IL1RAPL2: variants seen among roughly 807,000 people sequenced by gnomAD.
IL1RAPL2 encodes the protein interleukin 1 receptor accessory protein like 2.
IL1RAPL2 carries 3 observed loss-of-function variants against 44.1 expected under a neutral mutation model. The observed-to-expected ratio is 0.07, with a 90% CI of 0.03 to 0.18. The LOEUF is 0.18. Ranked by LOEUF, IL1RAPL2 falls within the 10% of genes least tolerant of loss-of-function variation. The pLI is 1.00. For synonymous variants in IL1RAPL2, 181 were observed against 178.8 expected, an observed-to-expected ratio of 1.01 and a Z score of -0.10; for missense variants, 391 against 496.4, an observed-to-expected ratio of 0.79 and a Z score of 2.02.
chrX:104,654,398 A>T (rs1930212037), intron 1 of IL1RAPL2, among the ~76,000 whole-genome samples: 1 of 110,941 alleles, frequency 9.0e-6, no homozygotes, highest in Non-Finnish European at 1.9e-5. Flanking sequence ...AACTGAGTGA[A>T]CAGTGGAGAG....
intron 2 of IL1RAPL2, among the ~76,000 whole-genome samples, chrX:104,965,820 AAAG>A (rs1432263386): frequency 1.8e-5 from 2 of 111,891 alleles, no homozygotes; most frequent in Admixed American, 9.5e-5. Flanking sequence ...GATTAGGCAT[AAAG>A]AAAGAATGAG....
chrX:104,619,564 C>T (rs1289549094), intron 1 of IL1RAPL2, among the ~76,000 whole-genome samples: 1 of 111,966 alleles, frequency 8.9e-6, no homozygotes, highest in Admixed American at 9.5e-5. Flanking sequence ...TTCCCATTTT[C>T]CTCCTTGAAT....
chrX:104,849,433 A>G (rs1172162768), intron 2 of IL1RAPL2, among the ~76,000 whole-genome samples: 2 of 101,330 alleles, frequency 2.0e-5, no homozygotes, highest in African/African-American at 7.1e-5. Context: ...TTTCTTGTTA[A>G]CCACTTTTTT....
chrX:104,618,470 A>G (rs1176949178), intron 1 of IL1RAPL2, among the ~76,000 whole-genome samples: 3 of 109,515 alleles, frequency 2.7e-5, no homozygotes, highest in Admixed American at 1.9e-4. Context: ...GAGCTGAGAA[A>G]CCTCCTTAGC....
At position 104,849,355 on chromosome X, in the gene IL1RAPL2, A is replaced by AATATATATATATATATAT. The variant is rs375364495; in HGVS notation, c.82+190372_82+190373insATATATATATATATATAT. ...GTGAGCCACCATGCTTGAACTATAT[A>AATATATATATATATATAT]ATATATATATATGGATTACTTACGG... On this transcript the variant is annotated intron_variant, in intron 2 of 10. Coordinates refer to ENST00000372582, the MANE Select transcript of IL1RAPL2 (RefSeq NM_017416.2). Among the ~76,000 whole-genome samples the AATATATATATATATATAT allele has an allele frequency of 3.3e-4, 23 of 68,687 alleles. 2 individuals are homozygous for AATATATATATATATATAT. Among genetic ancestry groups the AATATATATATATATATAT allele is most frequent in the South Asian group, 1.1e-3 (2 of 1,795 alleles). 59.6% of individuals were successfully genotyped at this position (68,687 alleles called of 115,157 possible).
rs1217445649 is a variant in IL1RAPL2 at position 105,352,508 on chromosome X, T to G, written c.697+84967T>G. On this transcript the variant is annotated intron_variant, in intron 5 of 10. Transcript: ENST00000372582. The stretch of plus-strand genomic sequence containing the variant: ...CTAGATCCCTGAGGAATCACCACAC[T>G]GACTTCCACAATGGTTGAACTAGTT... Among the ~76,000 whole-genome samples the G allele has an allele frequency of 3.6e-5, 4 of 111,442 alleles. No individual in the cohort carries two copies. In the Admixed American group the frequency reaches 3.8e-4, roughly 11 times the overall value.
chrX:104,890,350 C>G (rs938071570), intron 2 of IL1RAPL2, among the ~76,000 whole-genome samples: 3 of 111,487 alleles, frequency 2.7e-5, no homozygotes, highest in Non-Finnish European at 5.6e-5. Context: ...ATTTCTAGTT[C>G]TAGCTCTTTG....
At chrX:104,978,420 AT>A (rs1271456763) in intron 2 of IL1RAPL2, among the ~76,000 whole-genome samples, 3 of 111,735 alleles carry the variant, frequency 2.7e-5, no homozygotes, top group Non-Finnish European at 5.6e-5. Context: ...ATTTCATAAT[AT>A]ACTAAAAGTA....
At chrX:105,452,675 G>T (rs1044199633) in intron 5 of IL1RAPL2, among the ~76,000 whole-genome samples, 1 of 110,846 alleles carries the variant, frequency 9.0e-6, no homozygotes, top group Non-Finnish European at 1.9e-5. Flanking sequence ...TAGATAAAAG[G>T]GGGGGGACAT....
intron 4 of IL1RAPL2, among the ~76,000 whole-genome samples, chrX:105,251,955 A>T (rs1169886265): frequency 3.6e-5 from 4 of 110,890 alleles, no homozygotes; most frequent in Non-Finnish European, 7.6e-5. Context: ...ATTATGTATA[A>T]TTTACAAATA....
Position 105,562,512 on chromosome X carries a change from A to AACACACACACACAC in IL1RAPL2, c.772+78149_772+78162dup, listed in dbSNP as rs55720100. 1.4e-4 allele frequency among the ~76,000 whole-genome samples: 13 copies of AACACACACACACAC among 91,595 alleles called. No individual in the cohort carries two copies. The South Asian group carries it at 1.8e-3, about 12-fold the overall frequency. The allele number at this position is 91,595 out of a possible 115,157, so 79.5% of individuals were successfully genotyped here. A position where few individuals can be genotyped will look rare whatever the true frequency, so the allele number is the denominator to read the frequency against. On this transcript the variant is annotated intron_variant, in intron 6 of 10. Coordinates refer to ENST00000372582, the MANE Select transcript of IL1RAPL2 (RefSeq NM_017416.2). ...TACAATTATTTGTGAATTGAAAATA[A>AACACACACACACAC]ACACACACACACACACACACACACA...
At chrX:105,658,264 A>G (rs137926531) in intron 6 of IL1RAPL2, among the ~76,000 whole-genome samples, 2,039 of 111,423 alleles carry the variant, frequency 0.018, 40 homozygotes, top group African/African-American at 0.064. Context: ...AGAGAACAAG[A>G]GTCTCTGCTT....
intron 2 of IL1RAPL2, among the ~76,000 whole-genome samples, chrX:105,103,755 G>T (rs1043475023): frequency 1.8e-5 from 2 of 111,453 alleles, no homozygotes; most frequent in Non-Finnish European, 3.8e-5. Context: ...TCCCCTAAGG[G>T]TATGATATTT....
At chrX:105,701,803 T>C in intron 6 of IL1RAPL2, among the ~76,000 whole-genome samples, 1 of 111,942 alleles carries the variant, frequency 8.9e-6, no homozygotes, top group African/African-American at 3.2e-5. Flanking sequence ...TTGTTGATGG[T>C]TGTTTGCTTT....
intron 2 of IL1RAPL2, among the ~76,000 whole-genome samples, chrX:105,056,689 C>T (rs748587263): frequency 2.3e-4 from 26 of 111,685 alleles, no homozygotes; most frequent in Middle Eastern, 9.3e-3. Flanking sequence ...CTTTGTTTTT[C>T]TACTCTGTAA....
At chrX:104,938,409 A>G (rs1925077766) in intron 2 of IL1RAPL2, among the ~76,000 whole-genome samples, 1 of 111,835 alleles carries the variant, frequency 8.9e-6, no homozygotes, top group Non-Finnish European at 1.9e-5. Context: ...TCTAATAGCA[A>G]TTAGAGTTTT....
intron 2 of IL1RAPL2, among the ~76,000 whole-genome samples, chrX:105,034,963 G>T (rs1041249415): frequency 2.7e-5 from 3 of 111,449 alleles, no homozygotes; most frequent in Non-Finnish European, 5.7e-5. Flanking sequence ...CCCCAGCCTG[G>T]CTGCCACCTT....
intron 6 of IL1RAPL2, among the ~76,000 whole-genome samples, chrX:105,630,246 TC>T (rs1226830037): frequency 9.0e-6 from 1 of 111,534 alleles, no homozygotes; most frequent in Non-Finnish European, 1.9e-5. Flanking sequence ...ATTCAAGTAT[TC>T]ACTCACACTT....
intron 1 of IL1RAPL2, among the ~76,000 whole-genome samples, chrX:104,646,331 C>CAAA (rs572432274): frequency 8.7e-5 from 6 of 68,990 alleles, no homozygotes; most frequent in African/African-American, 2.2e-4. Context: ...GCTGGGGATG[C>CAAA]AAAAAAAAAA....
Sources: gnomAD v4.1 joint callset for allele counts (sites outside exome capture counted in the v4.1 genomes callset) on GRCh38, gnomAD v4.1.1 for gene constraint, MANE v1.5 for transcripts, NCBI Gene and HGNC (gene_info 2026-07-23, HGNC 2026-07-21) for gene names.